CD163L1: variants seen among roughly 807,000 people sequenced by gnomAD.
CD163L1 encodes CD163 molecule like 1.
Under a neutral mutation model 165.4 loss-of-function variants are expected in CD163L1, and 124 were observed. The ratio of observed to expected loss-of-function variants is 0.75; its 90% confidence interval spans 0.65 to 0.87. CD163L1 has a LOEUF of 0.87. CD163L1 is among the 40% of genes least tolerant of loss of function. CD163L1 has a pLI of 0.00. For missense variants in CD163L1, 1,525 were observed against 1,799.9 expected (o/e 0.85, Z 2.76); for synonymous variants, 585 against 662.2 (o/e 0.88, Z 1.79).
rs1948403363 is a variant in CD163L1, at chr12:7,421,483, ACATATATACATATATG to A, written c.766+10917_766+10932del. ...TATATACATATATATACATATATGT[ACATATATACATATATG>A]TACATATACATATACATATATGTAC... On this transcript the variant is annotated intron_variant, in intron 4 of 19. Transcript: ENST00000313599. 1.9e-5 allele frequency among the ~76,000 whole-genome samples: 2 copies of A among 102,974 alleles called. 1 individual carries two copies. Among genetic ancestry groups the A allele is most frequent in the African/African-American group, 8.3e-5 (2 of 23,960 alleles). 67.6% of individuals were successfully genotyped at this position (102,974 alleles called of 152,430 possible).
chr12:7,420,244 C>T (rs955781718), intron 4 of CD163L1, among the ~76,000 whole-genome samples: 1 of 151,862 alleles, frequency 6.6e-6, no homozygotes, highest in Non-Finnish European at 1.5e-5. Context: ...GACCCGAAAC[C>T]GTAAAAATTC....
chr12:7,375,471 T>C lies in CD163L1; in HGVS notation c.2811A>G (p.Leu937=), dbSNP rs767578617. The change falls in exon 11 of 20, where the codon CTA becomes CTG. Residue 937 remains leucine (L), a synonymous_variant. Coordinates refer to ENST00000313599, the MANE Select transcript of CD163L1 (RefSeq NM_174941.6). ...CAGTCCCACAGCTGAGCTGTCTGCA[T>C]AGAACACGGGCATCTTCTGGGTCCC... is the stretch of plus-strand genomic sequence containing the variant. ...THWDPEDARV[L]CRQLSCGTAL... The C allele has an allele frequency of 5.0e-6, 8 of 1,614,194 alleles. No individual in the cohort carries two copies. Among genetic ancestry groups the C allele is most frequent in the Non-Finnish European group, 5.9e-6 (7 of 1,180,024 alleles).
chr12:7,436,269 C>T (rs1266709126), intron 2 of CD163L1, among the ~76,000 whole-genome samples: 1 of 152,150 alleles, frequency 6.6e-6, no homozygotes, highest in Non-Finnish European at 1.5e-5. Flanking sequence ...TCAAATATAA[C>T]ATTAAACAGC....
intron 8 of CD163L1, among the ~76,000 whole-genome samples, chr12:7,389,481 A>T (rs1469573459): frequency 6.6e-6 from 1 of 152,198 alleles, no homozygotes; most frequent in Admixed American, 6.6e-5. Context: ...ACTCATGGAC[A>T]TAGAGAGTAG....
At chr12:7,346,670 G>A (rs1313493111), downstream of CD163L1, 1 of 152,146 alleles carries the variant, frequency 6.6e-6, no homozygotes, top group Non-Finnish European at 1.5e-5. Flanking sequence ...GAGACACCTA[G>A]GTATTTTAAG....
In CD163L1 at chr12:7,431,753, T is replaced by TA. The variant is rs902278847; in HGVS notation, c.766+662dup. Among the ~76,000 whole-genome samples, 1,284 of 146,742 alleles carry TA rather than the reference T, an allele frequency of 8.8e-3. 23 individuals are homozygous for TA. The highest frequency in any genetic ancestry group is 0.03 in the African/African-American group (1,197 of 40,094). ...CACTTGTACCCTAGAACTTAAAGTA[T>TA]AAAAAAAAAAGTGATCCCTTATTTC... is the stretch of plus-strand genomic sequence containing the variant. On this transcript the variant is annotated intron_variant, in intron 4 of 19. Transcript: ENST00000313599.
rs527795349 is a variant in CD163L1, at chr12:7,440,431, C to G, written c.124+723G>C. Among the ~76,000 whole-genome samples, 81 of 151,700 alleles carry G rather than the reference C, an allele frequency of 5.3e-4. No individual in the cohort carries two copies. The South Asian group carries it at 0.017, about 31-fold the overall frequency. ...CAGCCCGGCCAGCTCCCGCGCCCAG[C>G]CCGGCCCTTGAATTCATCTTTTTAT... On this transcript the variant is annotated intron_variant, in intron 2 of 19. Coordinates refer to ENST00000313599, the MANE Select transcript of CD163L1 (RefSeq NM_174941.6).
At position 7,396,254 on chromosome 12, in the gene CD163L1, T is replaced by C; in HGVS notation, c.1891A>G (p.Ile631Val). ...CSQLDCPSSIIGMGLGNASTG... is the reference protein window; with the variant it reads ...CSQLDCPSSIVGMGLGNASTG... ...GAAGCGTTTCCCAGACCCATGCCAA[T>C]GATAGAAGATGGGCAGTCCAGCTGG... Residue 631 changes from isoleucine (I) to valine (V), a missense_variant, in exon 8 of 20, where the codon ATT becomes GTT. Ile to Val is a conservative substitution (Grantham distance 29). Coordinates refer to ENST00000313599, the MANE Select transcript of CD163L1 (RefSeq NM_174941.6). 1.9e-6 allele frequency: 3 copies of C among 1,614,164 alleles called. No individual in the cohort carries two copies. Among genetic ancestry groups the C allele is most frequent in the Non-Finnish European group, 2.5e-6 (3 of 1,180,026 alleles).
At position 7,432,224 on chromosome 12, in the gene CD163L1, T is replaced by C. The variant is rs1948641740; in HGVS notation, c.766+192A>G. ...AAATATTAAAACTCAAAATGTGCTT[T>C]AGATTTGTTAGGAAGAGCAGTTTTA... is the stretch of plus-strand genomic sequence containing the variant. On this transcript the variant is annotated intron_variant, in intron 4 of 19. Coordinates refer to ENST00000313599, the MANE Select transcript of CD163L1 (RefSeq NM_174941.6). This position sits in a 1 kb window ranked among gnomAD's most constrained non-coding sequence, Gnocchi z 4.2. Among the ~76,000 whole-genome samples the C allele has an allele frequency of 6.6e-6, 1 of 152,242 alleles. No homozygotes were observed. Among genetic ancestry groups the C allele is most frequent in the Non-Finnish European group, 1.5e-5 (1 of 68,032 alleles).
At chr12:7,386,257 G>A (rs928132282) in intron 8 of CD163L1, among the ~76,000 whole-genome samples, 2 of 151,956 alleles carry the variant, frequency 1.3e-5, no homozygotes, top group Non-Finnish European at 2.9e-5. Flanking sequence ...ATCTGCCCAA[G>A]ATTAATCAAG....
At chr12:7,415,286 T>C (rs76845915) in intron 4 of CD163L1, among the ~76,000 whole-genome samples, 11,225 of 152,064 alleles carry the variant, frequency 0.074, 748 homozygotes, top group Admixed American at 0.22. Flanking sequence ...GTAAGCTTTG[T>C]GGTAAACATA....
chr12:7,320,743 A>G, the CD163L1 span: 1 of 1,613,708 alleles, frequency 6.2e-7, no homozygotes, highest in Non-Finnish European at 8.5e-7. Context: ...TACTTATCCC[A>G]TCACGACCCT....
chr12:7,369,284 G>A lies in CD163L1; in HGVS notation c.4039+73C>T. Reference sequence around the variant, plus strand: ...CCTAGTATCTTCAGCTCAACTCTCTGAGTGAGCCTGTTTCCCAGTGTTCTC... The same window carrying A: ...CCTAGTATCTTCAGCTCAACTCTCTAAGTGAGCCTGTTTCCCAGTGTTCTC... On this transcript the variant is annotated intron_variant, in intron 15 of 19. Coordinates refer to ENST00000313599, the MANE Select transcript of CD163L1 (RefSeq NM_174941.6). This position sits in a 1 kb window ranked among gnomAD's most constrained non-coding sequence, Gnocchi z 4.9. 2 of 1,463,450 alleles carry A rather than the reference G, an allele frequency of 1.4e-6. No homozygotes were observed. Among genetic ancestry groups the A allele is most frequent in the Non-Finnish European group, 1.9e-6 (2 of 1,063,490 alleles). 90.7% of individuals were successfully genotyped at this position (1,463,450 alleles called of 1,614,324 possible).
intron 4 of CD163L1, among the ~76,000 whole-genome samples, chr12:7,421,379 TTG>T (rs1462712420): frequency 1.7e-4 from 14 of 83,606 alleles, no homozygotes; most frequent in East Asian, 1.3e-3. Context: ...ATATATACAT[TTG>T]GAAGATATAT....
chr12:7,413,612 T>C (rs1313296168), intron 4 of CD163L1, among the ~76,000 whole-genome samples: 2 of 152,188 alleles, frequency 1.3e-5, no homozygotes, highest in African/African-American at 4.8e-5. Context: ...AGAATGTGTG[T>C]GAGGTTCCAT....
rs1948653523 is a variant in CD163L1 at position 7,432,873 on chromosome 12, T to C, written c.446-137A>G. 4 of 703,192 alleles carry C rather than the reference T, an allele frequency of 5.7e-6. No homozygotes were observed. Among genetic ancestry groups the C allele is most frequent in the South Asian group, 6.1e-5 (2 of 32,968 alleles). 43.6% of individuals were successfully genotyped at this position (703,192 alleles called of 1,614,324 possible). On this transcript the variant is annotated intron_variant, in intron 3 of 19. Coordinates refer to ENST00000313599, the MANE Select transcript of CD163L1 (RefSeq NM_174941.6). The surrounding 1 kb of genome is among the most constrained non-coding windows in gnomAD (Gnocchi z 4.2). ...AAAAAAAAATAACTGAAAATACTTA[T>C]AGGAGGGGTATGTGAGGCTTTTTTC...
chr12:7,366,283 G>A (rs1947019664), intron 18 of CD163L1, among the ~76,000 whole-genome samples: 1 of 151,908 alleles, frequency 6.6e-6, no homozygotes, highest in Non-Finnish European at 1.5e-5. Context: ...GGTTGATTGA[G>A]TACAAATATA....
chr12:7,441,433 G>C (rs12316780), intron 1 of CD163L1, among the ~76,000 whole-genome samples, 187 bp from the exon 2 acceptor site: 2,740 of 152,294 alleles, frequency 0.018, 71 homozygotes, highest in African/African-American at 0.058. Context: ...GTTTGTGATG[G>C]AAAGGCACCA....
chr12:7,421,462 T>C (rs746498433), intron 4 of CD163L1, among the ~76,000 whole-genome samples: 6 of 88,472 alleles, frequency 6.8e-5, no homozygotes, highest in Non-Finnish European at 1.2e-4. Context: ...TGTACATATA[T>C]ACATATATAT....
Sources: gnomAD v4.1 joint callset for allele counts (sites outside exome capture counted in the v4.1 genomes callset) on GRCh38, gnomAD v4.1.1 for gene constraint, Gnocchi (gnomAD v3.1) non-coding constraint, MANE v1.5 for transcripts, NCBI Gene and HGNC (gene_info 2026-07-23, HGNC 2026-07-21) for gene names.